MAN1A1: variants seen among roughly 807,000 people sequenced by gnomAD.
MAN1A1 encodes mannosyl-oligosaccharide 1,2-alpha-mannosidase IA.
A neutral mutation model predicts 70.8 loss-of-function variants in MAN1A1; 29 were observed. That is an observed-to-expected ratio of 0.41 (90% CI 0.31 to 0.56). The LOEUF (loss-of-function observed/expected upper bound fraction) is 0.56. Ranked by LOEUF, MAN1A1 falls within the 20% of genes least tolerant of loss-of-function variation. The pLI is 0.29. For missense variants in MAN1A1, 747 were observed against 841.3 expected (o/e 0.89, Z 1.39); for synonymous variants, 349 against 330.1 (o/e 1.06, Z -0.62).
intron 5 of MAN1A1, among the ~76,000 whole-genome samples, chr6:119,279,999 A>AT (rs1776186760): frequency 6.6e-6 from 1 of 152,126 alleles, no homozygotes; most frequent in South Asian, 2.1e-4. Flanking sequence ...TCAAAATAGT[A>AT]TTTTCTCTTG....
In MAN1A1 at chr6:119,270,433, A is replaced by G. The variant is rs537686554; in HGVS notation, c.897+20250T>C. On this transcript the variant is annotated intron_variant, in intron 5 of 12. Transcript: ENST00000368468. ...AAGTATACACTTTAGTGGCTTTAGT[A>G]TACTCACACTGAGTTGATTCACAAT... is the stretch of plus-strand genomic sequence containing the variant. Among the ~76,000 whole-genome samples the G allele has an allele frequency of 7.9e-5, 12 of 152,298 alleles. No homozygotes were observed. The East Asian group carries it at 2.3e-3, about 29-fold the overall frequency.
intron 5 of MAN1A1, among the ~76,000 whole-genome samples, chr6:119,257,424 G>A (rs1775489705): frequency 6.6e-6 from 1 of 152,196 alleles, no homozygotes; most frequent in Non-Finnish European, 1.5e-5. Flanking sequence ...TCAAGGTTAT[G>A]AGAAATAGGG....
chr6:119,237,058 T>C (rs1774865387), intron 6 of MAN1A1, among the ~76,000 whole-genome samples: 1 of 152,154 alleles, frequency 6.6e-6, no homozygotes, highest in African/African-American at 2.4e-5. Context: ...CCTGAAGACA[T>C]GACTGAATTG....
At chr6:119,202,787 T>C (rs1193836759) in intron 7 of MAN1A1, among the ~76,000 whole-genome samples, 1 of 152,220 alleles carries the variant, frequency 6.6e-6, no homozygotes, top group Non-Finnish European at 1.5e-5. Context: ...CCTAACTGTA[T>C]AGTATGTCAG....
At chr6:119,258,536 CATT>C (rs1775520774) in intron 5 of MAN1A1, among the ~76,000 whole-genome samples, 1 of 151,980 alleles carries the variant, frequency 6.6e-6, no homozygotes, top group Non-Finnish European at 1.5e-5. Flanking sequence ...AATACTGTAC[CATT>C]TTATATAAGG....
chr6:119,315,781 G>C (rs183236525), intron 2 of MAN1A1, among the ~76,000 whole-genome samples: 1 of 152,236 alleles, frequency 6.6e-6, no homozygotes, highest in Admixed American at 6.5e-5. Context: ...TCCTTACATA[G>C]AACAGTTTGG....
chr6:119,341,200 G>A (rs1373455565), intron 2 of MAN1A1, among the ~76,000 whole-genome samples: 2 of 152,088 alleles, frequency 1.3e-5, no homozygotes, highest in East Asian at 3.9e-4. Context: ...TCAAAACTCA[G>A]TGGGGGCGGG....
chr6:119,331,874 A>G, intron 2 of MAN1A1: 1 of 422,652 alleles, frequency 2.4e-6, no homozygotes, highest in Non-Finnish European at 4.6e-6. Context: ...GCCCCAGGGG[A>G]TATGGGGAAC....
intron 8 of MAN1A1, among the ~76,000 whole-genome samples, chr6:119,199,119 T>C (rs945166668): frequency 6.6e-6 from 1 of 152,216 alleles, no homozygotes; most frequent in Non-Finnish European, 1.5e-5. Flanking sequence ...CATTATACAA[T>C]ATCAGAAAAC....
At chr6:119,253,529 T>C (rs1266250454) in intron 5 of MAN1A1, among the ~76,000 whole-genome samples, 1 of 152,174 alleles carries the variant, frequency 6.6e-6, no homozygotes, top group Non-Finnish European at 1.5e-5. Flanking sequence ...CGACAACTTT[T>C]TGCAGGGAAA....
In MAN1A1 at chr6:119,201,306, T is replaced by A. The variant is rs755121268; in HGVS notation, c.1158A>T (p.Pro386=). The stretch of plus-strand genomic sequence containing the variant: ...TCAGATAGTTAGGATAAAGGCCTTG[T>A]GGTTTTTCCAGTTTGTTCAGTACTG... ...IRTVLNKLEK[P]QGLYPNYLNP... Residue 386 remains proline (P), a synonymous_variant, in exon 8 of 13, where the codon CCA becomes CCT. Transcript: ENST00000368468. 2 of 1,613,622 alleles carry A rather than the reference T, an allele frequency of 1.2e-6. No homozygotes were observed. Among genetic ancestry groups the A allele is most frequent in the Non-Finnish European group, 1.7e-6 (2 of 1,179,662 alleles).
intron 2 of MAN1A1, among the ~76,000 whole-genome samples, chr6:119,328,930 T>C (rs1478711665): frequency 6.6e-6 from 1 of 152,224 alleles, no homozygotes; most frequent in Non-Finnish European, 1.5e-5. Flanking sequence ...AATGAATATA[T>C]AGCAGAACTC....
chr6:119,300,509 C>G (rs1466703569), intron 4 of MAN1A1, among the ~76,000 whole-genome samples: 4 of 152,086 alleles, frequency 2.6e-5, no homozygotes, highest in African/African-American at 9.7e-5. Context: ...CTGCCTCGAC[C>G]TCCCAAAGTG....
At chr6:119,260,323 T>C (rs1334961667) in intron 5 of MAN1A1, among the ~76,000 whole-genome samples, 1 of 152,238 alleles carries the variant, frequency 6.6e-6, no homozygotes, top group African/African-American at 2.4e-5. Context: ...AGCTGTATCA[T>C]ACACTAGTTC....
chr6:119,207,200 T>C (rs1773886366), intron 6 of MAN1A1, among the ~76,000 whole-genome samples: 2 of 152,142 alleles, frequency 1.3e-5, no homozygotes, highest in African/African-American at 2.4e-5. Context: ...TTCCTCTTTG[T>C]ACACATTCAT....
intron 2 of MAN1A1, among the ~76,000 whole-genome samples, chr6:119,326,604 G>C (rs1463470702): frequency 1.3e-5 from 2 of 152,204 alleles, no homozygotes; most frequent in African/African-American, 4.8e-5. Context: ...ATTTACAAAG[G>C]AAAGAGGGCT....
rs116685131 is a variant in MAN1A1, at chr6:119,183,334, C to T, written c.1720-2907G>A. On this transcript the variant is annotated intron_variant, in intron 11 of 12. Transcript: ENST00000368468. ...AGATGCTTCGATTAAATTCTAAGTT[C>T]CAGACAGTGCGTCAAATGGAGGATG... Among the ~76,000 whole-genome samples, 878 of 152,258 alleles carry T rather than the reference C, an allele frequency of 5.8e-3. 5 individuals are homozygous for T. Among genetic ancestry groups the T allele is most frequent in the Non-Finnish European group, 0.01 (685 of 68,026 alleles).
intron 6 of MAN1A1, among the ~76,000 whole-genome samples, chr6:119,233,177 C>T (rs1043408710): frequency 6.6e-6 from 1 of 152,140 alleles, no homozygotes; most frequent in African/African-American, 2.4e-5. Context: ...TGACACCCTC[C>T]ACCACTTTAT....
intron 5 of MAN1A1, among the ~76,000 whole-genome samples, chr6:119,254,058 C>T (rs1775396211): frequency 6.6e-6 from 1 of 152,164 alleles, no homozygotes; most frequent in Non-Finnish European, 1.5e-5. Flanking sequence ...AGAGAACATC[C>T]TTCTACCTAA....
Sources: gnomAD v4.1 joint callset for allele counts (sites outside exome capture counted in the v4.1 genomes callset) on GRCh38, gnomAD v4.1.1 for gene constraint, MANE v1.5 for transcripts, NCBI Gene and HGNC (gene_info 2026-07-23, HGNC 2026-07-21) for gene names.